The following PACRG variants were observed in gnomAD, a reference collection of about 807,000 sequenced individuals.
PACRG encodes parkin coregulated.
PACRG carries 29 observed loss-of-function variants against 29.7 expected under a neutral mutation model. The ratio of observed to expected loss-of-function variants is 0.98; its 90% confidence interval spans 0.73 to 1.33. The LOEUF (loss-of-function observed/expected upper bound fraction) is 1.33. Ranked by LOEUF, PACRG falls within the 40% of genes most tolerant of loss-of-function variation. The pLI, the probability that PACRG is intolerant of heterozygous loss-of-function variation, is 0.00. For missense variants in PACRG, 279 were observed against 316.2 expected (o/e 0.88, Z 0.89); for synonymous variants, 116 against 118.7 (o/e 0.98, Z 0.15).
At chr6:162,943,014 A>G (rs1208271333) in intron 2 of PACRG, among the ~76,000 whole-genome samples, 1 of 152,224 alleles carries the variant, frequency 6.6e-6, no homozygotes, top group Non-Finnish European at 1.5e-5. Flanking sequence ...CTCCCAGTGC[A>G]GGGAAAGGGT....
Position 163,296,546 on chromosome 6 carries a change from G to A in PACRG, c.614-18281G>A, listed in dbSNP as rs537540812. Among the ~76,000 whole-genome samples the A allele has an allele frequency of 6.6e-5, 10 of 152,304 alleles. 1 individual carries two copies. The South Asian group carries it at 1.9e-3, about 28-fold the overall frequency. On this transcript the variant is annotated intron_variant, in intron 4 of 4. Transcript: ENST00000366888. The stretch of plus-strand genomic sequence containing the variant: ...CTGACTGAGTGATCCACTCACCTCG[G>A]CCTCCAAAAGTGCTGGTGGAATTAC...
chr6:162,947,541 T>C (rs1360328504), intron 2 of PACRG, among the ~76,000 whole-genome samples: 1 of 110,562 alleles, frequency 9.0e-6, no homozygotes, highest in East Asian at 2.7e-4. Context: ...TACTCATATA[T>C]AATCATATAT....
chr6:162,816,439 G>C (rs1787348652), intron 2 of PACRG, among the ~76,000 whole-genome samples: 1 of 152,032 alleles, frequency 6.6e-6, no homozygotes, highest in East Asian at 1.9e-4. Context: ...TGCAACCTCC[G>C]CCTCCTGGGT....
At chr6:163,199,799 T>A in intron 4 of PACRG, among the ~76,000 whole-genome samples, 1 of 152,210 alleles carries the variant, frequency 6.6e-6, no homozygotes, top group East Asian at 1.9e-4. Flanking sequence ...TGTGGTTCTT[T>A]TGTTTGTTGT....
intron 2 of PACRG, among the ~76,000 whole-genome samples, chr6:162,846,912 ACTGTGCTCCCCACATTG>A (rs1479732709): frequency 2.9e-5 from 4 of 137,320 alleles, no homozygotes; most frequent in Non-Finnish European, 4.8e-5. Context: ...CACACTGTCC[ACTGTGCTCCCCACATTG>A]CTGTGCTCCC....
At chr6:162,850,663 G>C (rs527893672) in intron 2 of PACRG, among the ~76,000 whole-genome samples, 11 of 152,054 alleles carry the variant, frequency 7.2e-5, no homozygotes, top group Non-Finnish European at 1.5e-4. Context: ...CACCTGGAGA[G>C]GGCGGGGAAG....
intron 4 of PACRG, among the ~76,000 whole-genome samples, chr6:163,217,098 G>C (rs1309131982): frequency 6.6e-6 from 1 of 152,204 alleles, no homozygotes; most frequent in African/African-American, 2.4e-5. Context: ...ACTGGGGTCT[G>C]GGCACAAGTG....
intron 4 of PACRG, chr6:163,166,363 G>C: frequency 2.8e-6 from 1 of 362,920 alleles, no homozygotes; most frequent in Non-Finnish European, 5.5e-6. Flanking sequence ...GATACCCCAA[G>C]AACTGCTTAC....
At chr6:163,022,998 T>A (rs2128221843) in intron 2 of PACRG, among the ~76,000 whole-genome samples, 1 of 152,336 alleles carries the variant, frequency 6.6e-6, no homozygotes. Context: ...CATGTAGACC[T>A]TATTTTCACA....
intron 4 of PACRG, among the ~76,000 whole-genome samples, chr6:163,126,716 T>A (rs1240500531): frequency 6.6e-6 from 1 of 152,188 alleles, no homozygotes; most frequent in South Asian, 2.1e-4. Flanking sequence ...TTTAGATTTT[T>A]AAAAATAAAA....
At chr6:163,135,729 G>A (rs1816907595) in intron 4 of PACRG, among the ~76,000 whole-genome samples, 1 of 152,138 alleles carries the variant, frequency 6.6e-6, no homozygotes, top group South Asian at 2.1e-4. Flanking sequence ...TCTACATGTG[G>A]CCAAATGGCT....
At chr6:163,228,763 C>CT (rs1198065854) in intron 4 of PACRG, among the ~76,000 whole-genome samples, 1 of 152,174 alleles carries the variant, frequency 6.6e-6, no homozygotes, top group Admixed American at 6.5e-5. Context: ...GAGTGATTCT[C>CT]TAGCACAGTG....
intron 1 of PACRG, among the ~76,000 whole-genome samples, chr6:162,803,746 G>A (rs1365382154): frequency 6.6e-6 from 1 of 152,044 alleles, no homozygotes; most frequent in Non-Finnish European, 1.5e-5. Context: ...ATGAGAAAAT[G>A]CTCATCCTCC....
At chr6:163,134,331 C>T (rs1175902605) in intron 4 of PACRG, among the ~76,000 whole-genome samples, 2 of 152,162 alleles carry the variant, frequency 1.3e-5, no homozygotes, top group African/African-American at 4.8e-5. Context: ...GTAAGTACCC[C>T]TGCTTACTCA....
chr6:162,950,689 A>G (rs891042921), intron 2 of PACRG, among the ~76,000 whole-genome samples: 2 of 152,170 alleles, frequency 1.3e-5, no homozygotes, highest in African/African-American at 2.4e-5. Context: ...TTCTTGGTAA[A>G]TGAATTAAAG....
At chr6:162,995,000 G>A (rs1465026879) in intron 2 of PACRG, among the ~76,000 whole-genome samples, 9 of 150,478 alleles carry the variant, frequency 6.0e-5, no homozygotes, top group South Asian at 2.1e-4. Context: ...ATACCCTGCC[G>A]AGTGAGGTGT....
chr6:163,126,798 A>G (rs511051), intron 4 of PACRG, among the ~76,000 whole-genome samples: 23,490 of 152,272 alleles, frequency 0.15, 1,998 homozygotes, highest in South Asian at 0.31. Context: ...GGTGCTGTAA[A>G]TCCACAAGGC....
chr6:163,159,917 C>CTT (rs1778485596), intron 4 of PACRG, among the ~76,000 whole-genome samples: 4 of 152,212 alleles, frequency 2.6e-5, no homozygotes, highest in Admixed American at 2.6e-4. Flanking sequence ...CTCCTGCCTC[C>CTT]TTCCAGGATG....
intron 2 of PACRG, among the ~76,000 whole-genome samples, chr6:162,928,742 A>G (rs957749186): frequency 6.6e-6 from 1 of 151,696 alleles, no homozygotes; most frequent in Admixed American, 6.6e-5. Flanking sequence ...GGCTATATGT[A>G]TGTATGTTTT....
Sources: gnomAD v4.1 joint callset for allele counts (sites outside exome capture counted in the v4.1 genomes callset) on GRCh38, gnomAD v4.1.1 for gene constraint, MANE v1.5 for transcripts, NCBI Gene and HGNC (gene_info 2026-07-23, HGNC 2026-07-21) for gene names.